The following CSGALNACT1 variants were observed in gnomAD, a reference collection of about 807,000 sequenced individuals.
The protein encoded by CSGALNACT1 is chondroitin sulfate N-acetylgalactosaminyltransferase 1, also known as beta4GalNAcT-1.
Under a neutral mutation model 51.0 loss-of-function variants are expected in CSGALNACT1, and 52 were observed. The observed-to-expected ratio is 1.02, with a 90% CI of 0.82 to 1.29. The LOEUF (loss-of-function observed/expected upper bound fraction) is 1.29. CSGALNACT1 is among the 50% of genes most tolerant of loss of function. The pLI is 0.00. For synonymous variants in CSGALNACT1, 341 were observed against 254.4 expected, an observed-to-expected ratio of 1.34 and a Z score of -3.24; for missense variants, 935 against 679.2, an observed-to-expected ratio of 1.38 and a Z score of -4.19.
intron 4 of CSGALNACT1, among the ~76,000 whole-genome samples, chr8:19,487,762 T>C (rs1462074694): frequency 6.6e-6 from 1 of 152,116 alleles, no homozygotes; most frequent in African/African-American, 2.4e-5. Flanking sequence ...ATCCATCTTC[T>C]AATAGGATTT....
At chr8:19,674,033 A>G (rs2154199493) in intron 1 of CSGALNACT1, among the ~76,000 whole-genome samples, 1 of 152,344 alleles carries the variant, frequency 6.6e-6, no homozygotes, top group Non-Finnish European at 1.5e-5. Context: ...CACACCTGTC[A>G]TCCCAACACT....
At position 19,505,792 on chromosome 8, in the gene CSGALNACT1, C is replaced by T. The variant is rs757928680; in HGVS notation, c.43G>A (p.Val15Met). ...CAGAGGAGCACCAGCAAAACCACCA[C>T]CCGGGAAATCCACGCAAGCAGCCCC... The change falls in exon 4 of 10, where the codon GTG (valine) becomes ATG (methionine). Residue 15 changes from valine (V) to methionine (M), a missense_variant. By Grantham distance (21) the Val-to-Met change is conservative. Transcript: ENST00000454498. The T allele has an allele frequency of 5.6e-6, 9 of 1,613,766 alleles. No homozygotes were observed. In the South Asian group the frequency reaches 8.8e-5, roughly 16 times the overall value.
At chr8:19,410,740 A>G (rs11782540) in intron 8 of CSGALNACT1, among the ~76,000 whole-genome samples, 62,703 of 152,026 alleles carry the variant, frequency 0.41, 14,203 homozygotes, top group East Asian at 0.83. Context: ...AACATTTATT[A>G]AAGTCAGTTT....
At chr8:19,682,100 G>T (rs530146411) in intron 1 of CSGALNACT1, among the ~76,000 whole-genome samples, 3 of 152,210 alleles carry the variant, frequency 2.0e-5, no homozygotes, top group Non-Finnish European at 2.9e-5. Context: ...CTACATTGGA[G>T]CCTGGCTTCC....
chr8:19,605,218 C>T (rs1347739296), upstream of CSGALNACT1, among the ~76,000 whole-genome samples: 6 of 152,246 alleles, frequency 3.9e-5, no homozygotes, highest in Admixed American at 3.3e-4. Flanking sequence ...CAATGACATC[C>T]CTCTGTCTAA....
intron 2 of CSGALNACT1, among the ~76,000 whole-genome samples, chr8:19,601,193 TG>T (rs1477544623): frequency 6.6e-6 from 1 of 152,234 alleles, no homozygotes; most frequent in Admixed American, 6.5e-5. Context: ...GATTTTCATT[TG>T]TCCCCGGACT....
chr8:19,708,047 C>T (rs1169998628), intron 1 of CSGALNACT1, among the ~76,000 whole-genome samples: 1 of 152,068 alleles, frequency 6.6e-6, no homozygotes, highest in Non-Finnish European at 1.5e-5. Context: ...AACAAAAAAA[C>T]ACTGCTGCTC....
intron 3 of CSGALNACT1, among the ~76,000 whole-genome samples, chr8:19,563,334 T>C (rs1213379100): frequency 6.6e-6 from 1 of 152,184 alleles, no homozygotes; most frequent in African/African-American, 2.4e-5. Flanking sequence ...TTGGGATTAA[T>C]ACTTAGGTGA....
intron 1 of CSGALNACT1, among the ~76,000 whole-genome samples, chr8:19,745,396 T>C (rs1415619217): frequency 2.6e-5 from 4 of 152,226 alleles, no homozygotes; most frequent in Non-Finnish European, 4.4e-5. Flanking sequence ...TGGTTTTTGA[T>C]ACATGCTCAC....
At chr8:19,419,808 C>A (rs1392233877) in intron 7 of CSGALNACT1, among the ~76,000 whole-genome samples, 1 of 152,126 alleles carries the variant, frequency 6.6e-6, no homozygotes, top group Non-Finnish European at 1.5e-5. Flanking sequence ...ATGATGTGGC[C>A]TCAAAGGAGA....
intron 7 of CSGALNACT1, among the ~76,000 whole-genome samples, chr8:19,419,253 G>A (rs141747926): frequency 9.8e-4 from 149 of 152,268 alleles, no homozygotes; most frequent in Admixed American, 8.8e-3. Context: ...ATCTCCCAGC[G>A]CAGGAATGAT....
At chr8:19,577,348 A>T (rs1014774787) in intron 3 of CSGALNACT1, among the ~76,000 whole-genome samples, 1 of 150,658 alleles carries the variant, frequency 6.6e-6, no homozygotes, top group African/African-American at 2.5e-5. Context: ...GGACGGCTTG[A>T]GGCCAGGGGT....
intron 3 of CSGALNACT1, among the ~76,000 whole-genome samples, chr8:19,508,194 T>C (rs539219638): frequency 6.7e-4 from 102 of 152,328 alleles, no homozygotes; most frequent in African/African-American, 2.3e-3. Context: ...AAGAGAGAGA[T>C]GTTCCTCTCA....
At chr8:19,683,524 G>A (rs774857803), upstream of CSGALNACT1, among the ~76,000 whole-genome samples, 1 of 152,052 alleles carries the variant, frequency 6.6e-6, no homozygotes, top group African/African-American at 2.4e-5. Flanking sequence ...TGTGGAAGAG[G>A]GCTATACAGT....
intron 9 of CSGALNACT1, among the ~76,000 whole-genome samples, chr8:19,406,457 T>G (rs1027549468): frequency 3.3e-5 from 5 of 151,894 alleles, no homozygotes; most frequent in African/African-American, 9.7e-5. Flanking sequence ...TGTTAACAAT[T>G]TATTGTATAT....
chr8:19,574,691 T>C (rs547807117), intron 3 of CSGALNACT1, among the ~76,000 whole-genome samples: 3 of 152,210 alleles, frequency 2.0e-5, no homozygotes, highest in South Asian at 4.1e-4. Context: ...CCTACTGCCA[T>C]TCCACAAGGT....
chr8:19,514,674 C>A (rs1288642746), intron 3 of CSGALNACT1, among the ~76,000 whole-genome samples: 2 of 143,392 alleles, frequency 1.4e-5, no homozygotes, highest in African/African-American at 2.6e-5. Flanking sequence ...AAAAAAAATA[C>A]AGAAGAGAAT....
intron 3 of CSGALNACT1, among the ~76,000 whole-genome samples, chr8:19,579,320 T>C (rs906654794): frequency 1.7e-4 from 26 of 152,236 alleles, no homozygotes; most frequent in Non-Finnish European, 4.4e-5. Flanking sequence ...GTTCTTTAAA[T>C]GAACCAACTT....
intron 4 of CSGALNACT1, among the ~76,000 whole-genome samples, chr8:19,461,696 G>A (rs372826130): frequency 7.0e-6 from 1 of 142,698 alleles, no homozygotes; most frequent in African/African-American, 2.6e-5. Context: ...CATGGGGGGC[G>A]TATCCGCACA....
Sources: gnomAD v4.1 joint callset for allele counts (sites outside exome capture counted in the v4.1 genomes callset) on GRCh38, gnomAD v4.1.1 for gene constraint, MANE v1.5 for transcripts, NCBI Gene and HGNC (gene_info 2026-07-23, HGNC 2026-07-21) for gene names.